Variants in CLTA observed in about 807,000 individuals in gnomAD.
CLTA encodes the protein clathrin light chain A.
CLTA carries 9 observed loss-of-function variants against 26.9 expected under a neutral mutation model. That is an observed-to-expected ratio of 0.33 (90% CI 0.20 to 0.58). The LOEUF (loss-of-function observed/expected upper bound fraction) is 0.58, where lower values mean the gene tolerates loss of function less well. Among genes scored for constraint, CLTA ranks in the 20% least tolerant of loss-of-function variants. The pLI, the probability that CLTA is intolerant of heterozygous loss-of-function variation, is 0.85. For missense variants in CLTA, 278 were observed against 294.2 expected (o/e 0.94, Z 0.40); for synonymous variants, 120 against 115.5 (o/e 1.04, Z -0.25).
intron 4 of CLTA, among the ~76,000 whole-genome samples, chr9:36,205,903 G>A (rs1044839516): frequency 1.3e-5 from 2 of 151,878 alleles, no homozygotes; most frequent in Admixed American, 6.6e-5. Flanking sequence ...GGGACTACAG[G>A]TGCCCGCCAC....
chr9:36,206,485 T>A (rs927797872), intron 4 of CLTA, among the ~76,000 whole-genome samples: 1 of 152,090 alleles, frequency 6.6e-6, no homozygotes, highest in East Asian at 1.9e-4. Context: ...CTACTCCCCC[T>A]CTCCATCCAT....
intron 3 of CLTA, among the ~76,000 whole-genome samples, chr9:36,199,454 C>CT (rs879907387): frequency 0.029 from 4,137 of 142,478 alleles, 200 homozygotes; most frequent in African/African-American, 0.097. Context: ...TTTCTTTTTT[C>CT]TTTTTTTTTT....
In CLTA at chr9:36,212,043, TTC is replaced by T. The variant is rs1828080425; in HGVS notation, c.*271_*272del. On this transcript the variant is annotated 3_prime_UTR_variant, in exon 5 of 5. Transcript: ENST00000345519. ...TCTGTGCATTATTCTGAGAATAAAT[TTC>T]TGTTTCAAACTGTATTATGTGAAGC... The T allele has an allele frequency of 3.4e-6, 2 of 584,716 alleles. No homozygotes were observed. Among genetic ancestry groups the T allele is most frequent in the South Asian group, 3.3e-5 (2 of 61,428 alleles). The allele number at this position is 584,716 out of a possible 1,614,324, so 36.2% of individuals were successfully genotyped here.
At position 36,211,972 on chromosome 9, in the gene CLTA, A is replaced by G. The variant is rs1316751924; in HGVS notation, c.*198A>G. On this transcript the variant is annotated 3_prime_UTR_variant, in exon 5 of 5. Coordinates refer to ENST00000345519, the MANE Select transcript of CLTA (RefSeq NM_001833.4). ...CATTCAGAGAGGAGGGAGAGGAGGA[A>G]GAGGAAGGGGAGGGAAGCTTCCCAA... 5.7e-6 allele frequency: 4 copies of G among 700,106 alleles called. No individual in the cohort carries two copies. Among genetic ancestry groups the G allele is most frequent in the Non-Finnish European group, 1.0e-5 (4 of 389,298 alleles). The allele number at this position is 700,106 out of a possible 1,614,324, so 43.4% of individuals were successfully genotyped here.
At chr9:36,198,929 T>A in intron 2 of CLTA, 50 bp from the exon 3 acceptor site, 1 of 1,339,970 alleles carries the variant, frequency 7.5e-7, no homozygotes, top group Non-Finnish European at 1.1e-6. Flanking sequence ...AAGTGCATTT[T>A]AGGAAGGAAT....
At chr9:36,193,759 A>G (rs1230295437) in intron 1 of CLTA, among the ~76,000 whole-genome samples, 1 of 152,200 alleles carries the variant, frequency 6.6e-6, no homozygotes, top group East Asian at 1.9e-4. Context: ...GGGCACAGGC[A>G]AAAACCAGAG....
chr9:36,198,414 C>A (rs936018600), intron 2 of CLTA, among the ~76,000 whole-genome samples: 1 of 151,808 alleles, frequency 6.6e-6, no homozygotes, highest in African/African-American at 2.4e-5. Flanking sequence ...CGGTGGCTCA[C>A]GCCTGTAATT....
chr9:36,192,611 C>G lies in CLTA; in HGVS notation c.217+1338C>G, dbSNP rs550552352. Among the ~76,000 whole-genome samples, 41 of 152,232 alleles carry G rather than the reference C, an allele frequency of 2.7e-4. No homozygotes were observed. In the South Asian group the frequency reaches 8.5e-3, roughly 32 times the overall value. ...GCCTTAAGTGATTAGGGGATATTTTCATTGGGTGGTCTCTAACATTTGTCT... is the reference window on the plus strand; with the variant it reads ...GCCTTAAGTGATTAGGGGATATTTTGATTGGGTGGTCTCTAACATTTGTCT... On this transcript the variant is annotated intron_variant, in intron 1 of 4. Coordinates refer to ENST00000345519, the MANE Select transcript of CLTA (RefSeq NM_001833.4).
intron 2 of CLTA, among the ~76,000 whole-genome samples, chr9:36,198,154 G>A (rs977714191): frequency 2.0e-5 from 3 of 151,598 alleles, no homozygotes; most frequent in African/African-American, 4.8e-5. Context: ...ATGCCACCAC[G>A]CCCGGCTAAT....
intron 4 of CLTA, among the ~76,000 whole-genome samples, chr9:36,208,031 A>G (rs1827819816): frequency 6.6e-6 from 1 of 152,222 alleles, no homozygotes; most frequent in Non-Finnish European, 1.5e-5. Context: ...ACAAAATGGG[A>G]AAGAAGGAAG....
At chr9:36,196,350 T>A (rs904787366) in intron 1 of CLTA, among the ~76,000 whole-genome samples, 4 of 149,934 alleles carry the variant, frequency 2.7e-5, no homozygotes, top group African/African-American at 9.8e-5. Flanking sequence ...TTCTTTTTTT[T>A]TTTTTTTATT....
intron 4 of CLTA, among the ~76,000 whole-genome samples, chr9:36,206,990 C>T (rs1372224620): frequency 3.3e-5 from 5 of 152,184 alleles, no homozygotes; most frequent in African/African-American, 9.6e-5. Flanking sequence ...TAAGGGGACC[C>T]GAGAGATAAG....
chr9:36,190,928 A>T lies in CLTA; in HGVS notation c.-129A>T, dbSNP rs1175646721. The T allele has an allele frequency of 6.4e-6, 9 of 1,405,902 alleles. No individual in the cohort carries two copies. The highest frequency in any genetic ancestry group is 8.3e-6 in the Non-Finnish European group (9 of 1,083,970). The allele number at this position is 1,405,902 out of a possible 1,614,324, so 87.1% of individuals were successfully genotyped here. The stretch of plus-strand genomic sequence containing the variant: ...GATACACGGGTAGGGCTTCCGCTTT[A>T]CCCGTCTCCCTCCTGGCGCTTGTCC... On this transcript the variant is annotated 5_prime_UTR_variant, in exon 1 of 5. Transcript: ENST00000345519.
chr9:36,199,749 C>T (rs775386105), intron 3 of CLTA, among the ~76,000 whole-genome samples: 6 of 152,118 alleles, frequency 3.9e-5, no homozygotes, highest in African/African-American at 4.8e-5. Context: ...CCACCGCGCC[C>T]GGCCTCCATT....
intron 4 of CLTA, among the ~76,000 whole-genome samples, chr9:36,208,343 G>A (rs1453226733): frequency 6.6e-6 from 1 of 152,184 alleles, no homozygotes; most frequent in Non-Finnish European, 1.5e-5. Context: ...TCCTGTCTGA[G>A]AGCCCTGCCA....
Position 36,190,974 on chromosome 9 carries a change from C to G in CLTA, c.-83C>G. ...TGTCCTCCTCTCCCAGTCGGCACCACAGCGGTGGCTGCCGGGCGTGGTGTC... is the reference window on the plus strand; with the variant it reads ...TGTCCTCCTCTCCCAGTCGGCACCAGAGCGGTGGCTGCCGGGCGTGGTGTC... On this transcript the variant is annotated 5_prime_UTR_variant, in exon 1 of 5. Coordinates refer to ENST00000345519, the MANE Select transcript of CLTA (RefSeq NM_001833.4). 1.4e-6 allele frequency: 2 copies of G among 1,458,226 alleles called. No individual in the cohort carries two copies. The highest frequency in any genetic ancestry group is 1.8e-6 in the Non-Finnish European group (2 of 1,115,462). The allele number at this position is 1,458,226 out of a possible 1,614,324, so 90.3% of individuals were successfully genotyped here.
At chr9:36,198,540 A>G (rs1215681488) in intron 2 of CLTA, among the ~76,000 whole-genome samples, 1 of 151,684 alleles carries the variant, frequency 6.6e-6, no homozygotes, top group East Asian at 2.0e-4. Flanking sequence ...ACCAGGCGGT[A>G]GTGGCATGTG....
At chr9:36,208,821 G>T (rs530018030) in intron 4 of CLTA, among the ~76,000 whole-genome samples, 1 of 152,358 alleles carries the variant, frequency 6.6e-6, no homozygotes, top group Non-Finnish European at 1.5e-5. Context: ...TGCCTTGGTT[G>T]TGAGTCCTGA....
chr9:36,195,398 A>G (rs1172802785), intron 1 of CLTA, among the ~76,000 whole-genome samples: 4 of 152,216 alleles, frequency 2.6e-5, no homozygotes, highest in Non-Finnish European at 5.9e-5. Context: ...AGATCAAAAA[A>G]TAGCAGGAAA....
Sources: gnomAD v4.1 joint callset for allele counts (sites outside exome capture counted in the v4.1 genomes callset) on GRCh38, gnomAD v4.1.1 for gene constraint, MANE v1.5 for transcripts, NCBI Gene and HGNC (gene_info 2026-07-23, HGNC 2026-07-21) for gene names.